The following ARHGAP19 variants were observed in gnomAD, a reference collection of about 807,000 sequenced individuals.
ARHGAP19 encodes the protein Rho GTPase activating protein 19, also known as rho GTPase-activating protein 19.
ARHGAP19 carries 48 observed loss-of-function variants against 60.9 expected under a neutral mutation model. The observed-to-expected ratio is 0.79, with a 90% CI of 0.62 to 1.00. ARHGAP19 has a LOEUF of 1.00. Ranked by LOEUF, ARHGAP19 falls within the 50% of genes least tolerant of loss-of-function variation. The probability of loss-of-function intolerance (pLI) is 0.00; values close to 1 mark genes in which losing one functional copy is unlikely to be tolerated. For missense variants in ARHGAP19, 562 were observed against 597.2 expected, an observed-to-expected ratio of 0.94 and a Z score of 0.61; for synonymous variants, 209 against 215.5, an observed-to-expected ratio of 0.97 and a Z score of 0.27.
chr10:97,251,287 A>G (rs1242818386), intron 6 of ARHGAP19, among the ~76,000 whole-genome samples: 4 of 9,416 alleles, frequency 4.2e-4, no homozygotes, highest in Admixed American at 1.3e-3. Flanking sequence ...GAAGGGAAAA[A>G]GGAAGGGAAG....
At chr10:97,291,025 C>T (rs1843224595) in intron 1 of ARHGAP19, among the ~76,000 whole-genome samples, 1 of 152,238 alleles carries the variant, frequency 6.6e-6, no homozygotes, top group South Asian at 2.1e-4. Flanking sequence ...CCTTTAAACA[C>T]GGGGCTTGCA....
At chr10:97,287,519 AATG>A (rs1843171271) in intron 1 of ARHGAP19, among the ~76,000 whole-genome samples, 5 of 152,242 alleles carry the variant, frequency 3.3e-5, no homozygotes, top group Non-Finnish European at 7.4e-5. Flanking sequence ...AGGCAAGAGG[AATG>A]CTTGAGCCCA....
intron 6 of ARHGAP19, among the ~76,000 whole-genome samples, chr10:97,251,643 A>AAGG (rs143718626): frequency 0.02 from 5 of 246 alleles, no homozygotes; most frequent in Admixed American, 0.056. Flanking sequence ...AGGGAAAAGG[A>AAGG]AGAAGAGGAG....
chr10:97,261,623 G>C (rs544798760), intron 4 of ARHGAP19, among the ~76,000 whole-genome samples: 15 of 151,744 alleles, frequency 9.9e-5, no homozygotes, highest in Non-Finnish European at 2.1e-4. Context: ...CATTTGGATT[G>C]CTACTAAAAG....
At chr10:97,257,014 G>A (rs372808288) in intron 5 of ARHGAP19, among the ~76,000 whole-genome samples, 15 of 152,128 alleles carry the variant, frequency 9.9e-5, no homozygotes, top group Middle Eastern at 3.4e-3. Context: ...CCAGCTACTC[G>A]GGAGGCTGAG....
intron 10 of ARHGAP19, 107 bp downstream of exon 10, chr10:97,229,657 T>C: frequency 1.2e-6 from 1 of 839,538 alleles, no homozygotes; most frequent in South Asian, 1.7e-5. Flanking sequence ...GAAAAAGCCA[T>C]TTGAATGGCC....
rs1850855557 is a variant in ARHGAP19 at position 97,224,186 on chromosome 10, T to C, written c.*1936A>G. 6.6e-6 allele frequency: 1 copy of C among 152,120 alleles called. No homozygotes were observed. The highest frequency in any genetic ancestry group is 2.1e-4 in the South Asian group (1 of 4,818). The allele number at this position is 152,120 out of a possible 1,614,324, so 9.4% of individuals were successfully genotyped here. A position where few individuals can be genotyped will look rare whatever the true frequency, so the allele number is the denominator to read the frequency against. ...GATGCCAGCCCTGTTTAACAGACCA[T>C]AGCACCACTTCGGGATGAAGCACGT... is the stretch of plus-strand genomic sequence containing the variant. On this transcript the variant is annotated 3_prime_UTR_variant, in exon 12 of 12. Coordinates refer to ENST00000358531, the MANE Select transcript of ARHGAP19 (RefSeq NM_032900.6).
At chr10:97,257,124 AAAAC>A (rs773134403) in intron 5 of ARHGAP19, among the ~76,000 whole-genome samples, 15 of 152,068 alleles carry the variant, frequency 9.9e-5, no homozygotes, top group Non-Finnish European at 1.9e-4. Context: ...CTGTCTCAAA[AAAAC>A]AAACAAACAA....
In ARHGAP19 at chr10:97,244,038, G is replaced by A; in HGVS notation, c.1115C>T (p.Ala372Val). The A allele has an allele frequency of 6.2e-7, 1 of 1,613,942 alleles. No individual in the cohort carries two copies. Among genetic ancestry groups the A allele is most frequent in the Non-Finnish European group, 8.5e-7 (1 of 1,179,986 alleles). Residue 372 changes from alanine to valine, a missense_variant, in exon 8 of 12, where the codon GCA becomes GTA. By Grantham distance (64) the Ala-to-Val change is moderately conservative. Transcript: ENST00000358531. ...QEETQHHTEE[A>V]LRELFQHVHD... Reference sequence around the variant, plus strand: ...AACGTGTTGAAACAGCTCTCTCAGTGCCTCTTCCGTATGGTGCTGGGTCTC... The same window carrying A: ...AACGTGTTGAAACAGCTCTCTCAGTACCTCTTCCGTATGGTGCTGGGTCTC...
intron 4 of ARHGAP19, among the ~76,000 whole-genome samples, chr10:97,262,162 G>A (rs558765541): frequency 8.9e-4 from 132 of 148,526 alleles, no homozygotes; most frequent in African/African-American, 3.2e-3. Flanking sequence ...GACCAGCCTG[G>A]GGAACAGGCT....
intron 8 of ARHGAP19, among the ~76,000 whole-genome samples, chr10:97,242,462 T>C (rs1428129701): frequency 2.7e-5 from 4 of 150,820 alleles, no homozygotes; most frequent in Admixed American, 2.0e-4. Flanking sequence ...GCCTCCGGAA[T>C]AGCTGGGATT....
intron 4 of ARHGAP19, among the ~76,000 whole-genome samples, chr10:97,262,763 C>T (rs1050018757): frequency 1.3e-5 from 2 of 152,018 alleles, no homozygotes; most frequent in East Asian, 1.9e-4. Flanking sequence ...GCAAAAATAC[C>T]GAACCTATAA....
chr10:97,266,213 C>T (rs1211626656), intron 1 of ARHGAP19, 88 bp from the exon 2 acceptor site: 31 of 1,481,674 alleles, frequency 2.1e-5, no homozygotes, highest in Middle Eastern at 1.8e-4. Context: ...CCTGACTCCA[C>T]GCAAAGGCAG....
At chr10:97,249,371 T>C (rs1363626904) in intron 6 of ARHGAP19, among the ~76,000 whole-genome samples, 3 of 152,144 alleles carry the variant, frequency 2.0e-5, no homozygotes, top group Non-Finnish European at 2.9e-5. Context: ...AATCAAACAA[T>C]CTGTGTCTCC....
At chr10:97,262,650 C>T (rs145117884) in intron 4 of ARHGAP19, among the ~76,000 whole-genome samples, 6 of 151,976 alleles carry the variant, frequency 3.9e-5, no homozygotes, top group Admixed American at 6.6e-5. Flanking sequence ...AGTGACAGAG[C>T]GAGACTCAGT....
intron 1 of ARHGAP19, among the ~76,000 whole-genome samples, chr10:97,291,078 T>G (rs931322475): frequency 6.6e-6 from 1 of 152,038 alleles, no homozygotes; most frequent in Non-Finnish European, 1.5e-5. Flanking sequence ...ACTAAAATGC[T>G]AATTAGGCAA....
In ARHGAP19 at chr10:97,264,923, T is replaced by G; in HGVS notation, c.323-17A>C. ...CTCCTTTTTCTGAAAAACCATATGATATGACAGGGCTATATTTCACACAAA... is the reference window on the plus strand; with the variant it reads ...CTCCTTTTTCTGAAAAACCATATGAGATGACAGGGCTATATTTCACACAAA... On this transcript the variant is annotated splice_polypyrimidine_tract_variant and intron_variant, in intron 2 of 11. Transcript: ENST00000358531. 1 of 1,581,896 alleles carries G rather than the reference T, an allele frequency of 6.3e-7. No homozygotes were observed. Among genetic ancestry groups the G allele is most frequent in the Non-Finnish European group, 8.7e-7 (1 of 1,151,064 alleles).
In ARHGAP19 at chr10:97,263,401, T is replaced by C. The variant is rs753263630; in HGVS notation, c.613+19A>G. The stretch of plus-strand genomic sequence containing the variant: ...TGAAAGAAATGTATTTACATCTCCT[T>C]CTTACTTCCTATACTCACCAGCGAT... On this transcript the variant is annotated intron_variant, in intron 4 of 11. Transcript: ENST00000358531. 2 of 1,610,674 alleles carry C rather than the reference T, an allele frequency of 1.2e-6. No homozygotes were observed. Among genetic ancestry groups the C allele is most frequent in the Non-Finnish European group, 1.7e-6 (2 of 1,176,876 alleles).
chr10:97,228,790 T>TA (rs1850947585), intron 11 of ARHGAP19, among the ~76,000 whole-genome samples: 1 of 152,226 alleles, frequency 6.6e-6, no homozygotes, highest in South Asian at 2.1e-4. Flanking sequence ...AACCTAACTA[T>TA]TCCATAAGCA....
Sources: allele counts gnomAD v4.1 joint callset (sites outside exome capture counted in the v4.1 genomes callset), GRCh38; gene constraint gnomAD v4.1.1; transcripts MANE v1.5; gene names NCBI Gene and HGNC (gene_info 2026-07-23, HGNC 2026-07-21).